Variants in ZNF362 observed in about 807,000 individuals in gnomAD.
ZNF362 encodes zinc finger protein 362.
A neutral mutation model predicts 42.9 loss-of-function variants in ZNF362; 11 were observed. That is an observed-to-expected ratio of 0.26 (90% CI 0.16 to 0.42). The LOEUF (loss-of-function observed/expected upper bound fraction) is 0.42. Among genes scored for constraint, ZNF362 ranks in the 20% least tolerant of loss-of-function variants. The pLI is 1.00. For synonymous variants in ZNF362, 255 were observed against 257.3 expected (o/e 0.99, Z 0.09); for missense variants, 362 against 576.2 (o/e 0.63, Z 3.81).
intron 1 of ZNF362, among the ~76,000 whole-genome samples, chr1:33,265,201 TGAGA>T (rs1645857009): frequency 1.3e-5 from 2 of 151,498 alleles, no homozygotes; most frequent in Non-Finnish European, 1.5e-5. Flanking sequence ...CTCTCAGAAC[TGAGA>T]GAGTGTCATG....
upstream of ZNF362, among the ~76,000 whole-genome samples, chr1:33,256,373 G>GC (rs1462222839): frequency 2.8e-5 from 4 of 142,774 alleles, no homozygotes; most frequent in African/African-American, 5.0e-5. Context: ...GCCCGACGCG[G>GC]CCCCCCCGGA....
At chr1:33,195,537 T>G in the ZNF362 span, 1 of 152,356 alleles carries the variant, frequency 6.6e-6, no homozygotes, top group African/African-American at 2.4e-5. Flanking sequence ...CTGGGCTACA[T>G]GTAGAGCCTG....
the ZNF362 span, among the ~76,000 whole-genome samples, chr1:33,185,191 T>A: frequency 0.75 from 113,505 of 151,468 alleles, 42,511 homozygotes; most frequent in Admixed American, 0.78. Flanking sequence ...AAGGACATAG[T>A]ATGTGGTTTT....
chr1:33,165,607 C>G, the ZNF362 span: 8 of 1,544,776 alleles, frequency 5.2e-6, no homozygotes, highest in Non-Finnish European at 7.0e-6. This position sits in a 1 kb window ranked among gnomAD's most constrained non-coding sequence, Gnocchi z 4.0. Flanking sequence ...AGGGGCCATG[C>G]CTGGCCCAGG....
At chr1:33,157,875 G>C in the ZNF362 span, among the ~76,000 whole-genome samples, 2 of 151,994 alleles carry the variant, frequency 1.3e-5, no homozygotes, top group Non-Finnish European at 2.9e-5. Flanking sequence ...TCCTGCCTCA[G>C]CCTCTCGAGT....
At chr1:33,225,733 C>A in the ZNF362 span, among the ~76,000 whole-genome samples, 1 of 152,160 alleles carries the variant, frequency 6.6e-6, no homozygotes, top group Non-Finnish European at 1.5e-5. Context: ...TCACATAAGT[C>A]ATCCAGAGGC....
chr1:33,239,073 A>G, the ZNF362 span, among the ~76,000 whole-genome samples: 1 of 152,196 alleles, frequency 6.6e-6, no homozygotes, highest in Admixed American at 6.5e-5. Flanking sequence ...TTCTGGGAGT[A>G]CCGCTGTGAG....
chr1:33,243,920 T>C, the ZNF362 span, among the ~76,000 whole-genome samples: 2 of 152,166 alleles, frequency 1.3e-5, no homozygotes, highest in Non-Finnish European at 1.5e-5. Flanking sequence ...CCGACTTTTA[T>C]GTATTTTCTA....
At chr1:33,214,156 G>T in the ZNF362 span, among the ~76,000 whole-genome samples, 1 of 152,096 alleles carries the variant, frequency 6.6e-6, no homozygotes, top group Non-Finnish European at 1.5e-5. Context: ...AAACATACAG[G>T]AATAGCTGAA....
chr1:33,195,497 C>T, the ZNF362 span: 2 of 152,204 alleles, frequency 1.3e-5, no homozygotes, highest in African/African-American at 4.8e-5. Context: ...GATACTTACA[C>T]AAACCTGGAT....
chr1:33,145,981 A>G, the ZNF362 span: 4 of 467,244 alleles, frequency 8.6e-6, no homozygotes, highest in Non-Finnish European at 1.8e-5. Flanking sequence ...GGAGAGGGGC[A>G]GGCCTCAGGA....
At chr1:33,143,277 G>A in the ZNF362 span, 1 of 152,208 alleles carries the variant, frequency 6.6e-6, no homozygotes. Flanking sequence ...TGTGAGTAAA[G>A]CCTGGGAAGT....
At chr1:33,202,221 C>A in the ZNF362 span, among the ~76,000 whole-genome samples, 2 of 152,220 alleles carry the variant, frequency 1.3e-5, no homozygotes, top group African/African-American at 4.8e-5. Flanking sequence ...TAAATAAAAT[C>A]TTCCATAAAA....
At chr1:33,229,406 T>C in the ZNF362 span, among the ~76,000 whole-genome samples, 1 of 81,334 alleles carries the variant, frequency 1.2e-5, no homozygotes, top group African/African-American at 4.5e-5. Flanking sequence ...CTATTCTGCC[T>C]TTTTTTTTTT....
the ZNF362 span, among the ~76,000 whole-genome samples, chr1:33,134,575 A>G: frequency 6.6e-6 from 1 of 151,970 alleles, no homozygotes; most frequent in African/African-American, 2.4e-5. Context: ...GGACCCATGG[A>G]AAGAAAGACC....
chr1:33,273,268 A>G (rs1645919211), intron 2 of ZNF362, among the ~76,000 whole-genome samples: 1 of 152,254 alleles, frequency 6.6e-6, no homozygotes, highest in African/African-American at 2.4e-5. Context: ...TGACTGAATC[A>G]TTAAATTACT....
At chr1:33,229,606 C>T in the ZNF362 span, among the ~76,000 whole-genome samples, 1 of 151,524 alleles carries the variant, frequency 6.6e-6, no homozygotes, top group East Asian at 1.9e-4. Flanking sequence ...GGAGTTTCAC[C>T]ATGTTGGCCA....
chr1:33,260,785 C>A (rs1645823699), intron 1 of ZNF362, among the ~76,000 whole-genome samples: 1 of 152,116 alleles, frequency 6.6e-6, no homozygotes, highest in African/African-American at 2.4e-5. Flanking sequence ...TTCCTCCCAC[C>A]CCGGGAGACT....
the ZNF362 span, among the ~76,000 whole-genome samples, chr1:33,207,870 C>A: frequency 6.6e-6 from 1 of 152,090 alleles, no homozygotes; most frequent in Non-Finnish European, 1.5e-5. Context: ...GGATAGATTG[C>A]AAAAATTTTC....
Sources: gnomAD v4.1 joint callset for allele counts (sites outside exome capture counted in the v4.1 genomes callset) on GRCh38, gnomAD v4.1.1 for gene constraint, Gnocchi (gnomAD v3.1) non-coding constraint, MANE v1.5 for transcripts, NCBI Gene and HGNC (gene_info 2026-07-23, HGNC 2026-07-21) for gene names.